The following SMG6 variants were observed in gnomAD, a reference collection of about 807,000 sequenced individuals.
The protein encoded by SMG6 is SMG6 nonsense mediated mRNA decay factor.
A neutral mutation model predicts 142.2 loss-of-function variants in SMG6; 66 were observed. The ratio of observed to expected loss-of-function variants is 0.46; its 90% CI spans 0.38 to 0.57. The LOEUF is 0.57. Ranked by LOEUF, SMG6 falls within the 20% of genes least tolerant of loss-of-function variation. SMG6 has a pLI of 0.00. For missense variants in SMG6, 1,793 were observed against 1,832.0 expected, an observed-to-expected ratio of 0.98 and a Z score of 0.39; for synonymous variants, 779 against 702.4, an observed-to-expected ratio of 1.11 and a Z score of -1.72.
At chr17:2,159,069 A>G (rs551824218) in intron 13 of SMG6, among the ~76,000 whole-genome samples, 2 of 152,188 alleles carry the variant, frequency 1.3e-5, no homozygotes, top group Non-Finnish European at 2.9e-5. Flanking sequence ...CCAAATGAGG[A>G]TATAATAATT....
chr17:2,156,556 G>A (rs1258624249), intron 13 of SMG6, among the ~76,000 whole-genome samples: 1 of 152,160 alleles, frequency 6.6e-6, no homozygotes, highest in East Asian at 1.9e-4. Flanking sequence ...CCTGTCAGAT[G>A]CAAGACTGGG....
At chr17:2,197,002 G>A (rs917312826) in intron 10 of SMG6, among the ~76,000 whole-genome samples, 11 of 152,040 alleles carry the variant, frequency 7.2e-5, no homozygotes, top group Non-Finnish European at 1.0e-4. Flanking sequence ...ATAATAGATC[G>A]AAGACTTATA....
chr17:2,236,813 A>G (rs2073674664), intron 9 of SMG6, 176 bp from the exon 10 acceptor site: 2 of 1,305,100 alleles, frequency 1.5e-6, no homozygotes, highest in African/African-American at 3.0e-5. Flanking sequence ...GGTATCCTGC[A>G]ATTTTGAACA....
chr17:2,201,306 C>G (rs771575671), intron 10 of SMG6, among the ~76,000 whole-genome samples: 6 of 152,110 alleles, frequency 3.9e-5, no homozygotes, highest in Non-Finnish European at 7.3e-5. Context: ...AACTCCATAC[C>G]CAACAGCATG....
rs2074454750 is a variant in SMG6 at position 2,267,770 on chromosome 17, CAG to C, written c.2661+14875_2661+14876del. ...ATTATTATTTTTTTTTTTTTTGAGA[CAG>C]AGTCTCGCTCTGTTGCCCAGGCTGG... On this transcript the variant is annotated intron_variant, in intron 8 of 18. Transcript: ENST00000263073. 2.8e-5 allele frequency among the ~76,000 whole-genome samples: 4 copies of C among 145,014 alleles called. No individual in the cohort carries two copies. The South Asian group carries it at 8.6e-4, about 31-fold the overall frequency.
At chr17:2,145,148 G>A (rs1357766294) in intron 13 of SMG6, among the ~76,000 whole-genome samples, 1 of 151,864 alleles carries the variant, frequency 6.6e-6, no homozygotes, top group Non-Finnish European at 1.5e-5. Context: ...TCTCTCTGTC[G>A]CTCTGTTGCC....
chr17:2,196,520 A>C (rs1249833773), intron 10 of SMG6, among the ~76,000 whole-genome samples: 1 of 152,240 alleles, frequency 6.6e-6, no homozygotes, highest in Non-Finnish European at 1.5e-5. Flanking sequence ...ATGCCAGTTA[A>C]TTGTTTAACG....
intron 13 of SMG6, among the ~76,000 whole-genome samples, chr17:2,118,568 G>T (rs1597414076): frequency 6.7e-6 from 1 of 150,256 alleles, no homozygotes; most frequent in Non-Finnish European, 1.5e-5. Context: ...ATGTCTCATA[G>T]ACCTAAATAT....
In SMG6 at chr17:2,175,628, G is replaced by C. The variant is rs529493237; in HGVS notation, c.3156-2769C>G. 2.6e-5 allele frequency among the ~76,000 whole-genome samples: 4 copies of C among 152,208 alleles called. No homozygotes were observed. In the South Asian group the frequency reaches 8.3e-4, roughly 32 times the overall value. ...ACCACCCACCTTGTACCAAAACCTT[G>C]AGACTCACTGCAAAAATAAGGTGGA... On this transcript the variant is annotated intron_variant, in intron 12 of 18. Transcript: ENST00000263073.
intron 13 of SMG6, chr17:2,088,030 G>C (rs1192061098): frequency 1.0e-6 from 1 of 985,578 alleles, no homozygotes; most frequent in Non-Finnish European, 1.2e-6. Flanking sequence ...GAGAGGAGAG[G>C]GGAGCTAAGG....
rs553600987 is a variant in SMG6, at chr17:2,077,424, T to G, written c.3681+4386A>C. ...GGGGAAGTGGAGTTTCATCTGGGGA[T>G]TGAAGGAGGAATAGAATTTCGACAG... On this transcript the variant is annotated intron_variant, in intron 15 of 18. Coordinates refer to ENST00000263073, the MANE Select transcript of SMG6 (RefSeq NM_017575.5). 1.9e-3 allele frequency among the ~76,000 whole-genome samples: 282 copies of G among 151,998 alleles called. 2 individuals are homozygous for G. Among genetic ancestry groups the G allele is most frequent in the Non-Finnish European group, 3.1e-3 (212 of 67,972 alleles).
rs11327052 is a variant in SMG6, at chr17:2,071,740, C to CG, written c.3682-2810dup. Among the ~76,000 whole-genome samples, 45 of 151,728 alleles carry CG rather than the reference C, an allele frequency of 3.0e-4. No individual in the cohort carries two copies. Among genetic ancestry groups the CG allele is most frequent in the East Asian group, 9.7e-4 (5 of 5,140 alleles). On this transcript the variant is annotated intron_variant, in intron 15 of 18. Transcript: ENST00000263073. This position sits in a 1 kb window ranked among gnomAD's most constrained non-coding sequence, Gnocchi z 5.6. ...CCTGGGGTACCGGTGGGCCTCTGGGCGGGGGGGGTCACACCTGGGTCACAA... is the reference window on the plus strand; with the variant it reads ...CCTGGGGTACCGGTGGGCCTCTGGGCGGGGGGGGGTCACACCTGGGTCACAA...
Position 2,065,547 on chromosome 17 carries a change from G to C in SMG6, c.3968C>G (p.Ser1323Cys). 6.2e-7 allele frequency: 1 copy of C among 1,614,040 alleles called. No homozygotes were observed. The highest frequency in any genetic ancestry group is 8.5e-7 in the Non-Finnish European group (1 of 1,180,012). The change falls in exon 17 of 19, where the codon TCT (serine) becomes TGT (cysteine). Residue 1323 changes from serine (S) to cysteine (C), a missense_variant. Physicochemically the swap from Ser to Cys is moderately radical, Grantham distance 112 (BLOSUM62 -1). This residue lies in a region of SMG6 where 179 missense variants were observed against 212.6 expected (regional missense o/e 0.84). Coordinates refer to ENST00000263073, the MANE Select transcript of SMG6 (RefSeq NM_017575.5). Reference protein sequence around the residue: ...FLEQRFESRDSCLRALTSRGN... With the variant: ...FLEQRFESRDCCLRALTSRGN... ...ACGGCTGGTCAGGGCTCGCAGGCAA[G>C]AGTCCCGACTCTCGAATCGCTGCTC...
At chr17:2,255,358 C>T (rs1428850598) in intron 8 of SMG6, among the ~76,000 whole-genome samples, 5 of 132,588 alleles carry the variant, frequency 3.8e-5, no homozygotes, top group African/African-American at 1.5e-4. Context: ...GAGCCGAGAT[C>T]GCGCCACTGC....
Position 2,085,129 on chromosome 17 carries a change from C to T in SMG6, c.3534+596G>A, listed in dbSNP as rs1268369896. Among the ~76,000 whole-genome samples the T allele has an allele frequency of 6.6e-6, 1 of 150,512 alleles. No individual in the cohort carries two copies. The highest frequency in any genetic ancestry group is 2.5e-5 in the African/African-American group (1 of 40,580). On this transcript the variant is annotated intron_variant, in intron 14 of 18. Coordinates refer to ENST00000263073, the MANE Select transcript of SMG6 (RefSeq NM_017575.5). This position sits in a 1 kb window ranked among gnomAD's most constrained non-coding sequence, Gnocchi z 4.1. ...GCTCATGCATGTGCATGCGCGTGCG[C>T]ACACACACACACAGACGCGCACACA...
intron 9 of SMG6, among the ~76,000 whole-genome samples, chr17:2,237,921 TAAAC>T (rs1288640526): frequency 6.6e-6 from 1 of 152,144 alleles, no homozygotes; most frequent in Non-Finnish European, 1.5e-5. Flanking sequence ...AGCCCCCAAA[TAAAC>T]AAACTGCTTG....
intron 10 of SMG6, among the ~76,000 whole-genome samples, chr17:2,209,124 A>G (rs2072774040): frequency 6.6e-6 from 1 of 152,302 alleles, no homozygotes; most frequent in South Asian, 2.1e-4. Context: ...AGATCACACC[A>G]CTGCATTCCA....
intron 13 of SMG6, among the ~76,000 whole-genome samples, chr17:2,130,442 T>C (rs985446658): frequency 4.0e-5 from 6 of 151,852 alleles, no homozygotes; most frequent in African/African-American, 1.5e-4. Flanking sequence ...ATCATGTTCA[T>C]GGATGGGAAG....
At chr17:2,247,723 C>A (rs2073955309) in intron 8 of SMG6, among the ~76,000 whole-genome samples, 1 of 152,020 alleles carries the variant, frequency 6.6e-6, no homozygotes, top group Non-Finnish European at 1.5e-5. Flanking sequence ...GCGGAGACTG[C>A]AGTGAGCCAT....
Sources: allele counts gnomAD v4.1 joint callset (sites outside exome capture counted in the v4.1 genomes callset), GRCh38; gene constraint gnomAD v4.1.1; regional missense constraint gnomAD v4.1.1; non-coding constraint Gnocchi (gnomAD v3.1); transcripts MANE v1.5; gene names NCBI Gene and HGNC (gene_info 2026-07-23, HGNC 2026-07-21).